The following EFCAB3 variants were observed in gnomAD, a reference collection of about 807,000 sequenced individuals.
The protein encoded by EFCAB3 is EF-hand calcium-binding domain-containing protein 3.
A neutral mutation model predicts 42.2 loss-of-function variants in EFCAB3; 36 were observed. The observed-to-expected ratio is 0.85, with a 90% confidence interval of 0.65 to 1.13. The LOEUF (loss-of-function observed/expected upper bound fraction) is 1.13. Among genes scored for constraint, EFCAB3 ranks in the 50% most tolerant of loss-of-function variants. The probability of loss-of-function intolerance (pLI) is 0.00; values close to 1 mark genes in which losing one functional copy is unlikely to be tolerated. For missense variants in EFCAB3, 418 were observed against 505.1 expected (o/e 0.83, Z 1.65); for synonymous variants, 170 against 172.8 (o/e 0.98, Z 0.13).
Position 62,396,986 on chromosome 17 carries a change from A to G in EFCAB3, c.488+1798A>G, listed in dbSNP as rs146944782. Among the ~76,000 whole-genome samples, 249 of 152,304 alleles carry G rather than the reference A, an allele frequency of 1.6e-3. 2 individuals are homozygous for G. The highest frequency in any genetic ancestry group is 2.9e-3 in the Non-Finnish European group (198 of 68,024). On this transcript the variant is annotated intron_variant, in intron 6 of 9. Transcript: ENST00000305286. ...TACTATCATCACTCCCACTTTACAGATGAAAAAACTGCAGCACAGGTCAGT... is the reference window on the plus strand; with the variant it reads ...TACTATCATCACTCCCACTTTACAGGTGAAAAAACTGCAGCACAGGTCAGT...
At chr17:62,410,963 T>C (rs927893989) in intron 8 of EFCAB3, among the ~76,000 whole-genome samples, 2 of 152,276 alleles carry the variant, frequency 1.3e-5, no homozygotes, top group East Asian at 3.9e-4. Flanking sequence ...TGTGAAGAAT[T>C]TGAAACTCAG....
rs1206209960 is a variant in EFCAB3 at position 62,384,266 on chromosome 17, C to A, written c.74+1213C>A. Among the ~76,000 whole-genome samples, 6 of 152,116 alleles carry A rather than the reference C, an allele frequency of 3.9e-5. 1 individual carries two copies. Among genetic ancestry groups the A allele is most frequent in the African/African-American group, 1.2e-4 (5 of 41,432 alleles). On this transcript the variant is annotated intron_variant, in intron 2 of 9. Transcript: ENST00000305286. ...CATTTGAAACTTTGAAAAATAAAGT[C>A]TTTCTCCAATGTTTGATCCAAGATA...
At chr17:62,410,832 A>G (rs370620076) in intron 8 of EFCAB3, among the ~76,000 whole-genome samples, 2 of 152,118 alleles carry the variant, frequency 1.3e-5, no homozygotes, top group Non-Finnish European at 2.9e-5. Context: ...CCTGGAAGTA[A>G]GCAACTGGAA....
Position 62,383,377 on chromosome 17 carries a change from G to A in EFCAB3, c.74+324G>A, listed in dbSNP as rs138029485. Among the ~76,000 whole-genome samples, 10 of 152,218 alleles carry A rather than the reference G, an allele frequency of 6.6e-5. No homozygotes were observed. The East Asian group carries it at 1.9e-3, about 29-fold the overall frequency. On this transcript the variant is annotated intron_variant, in intron 2 of 9. Coordinates refer to ENST00000305286, the MANE Select transcript of EFCAB3 (RefSeq NM_173503.4). ...TGGTGCCAGCTACTCGAGAGGCTGA[G>A]GCAGGAGAATTGCTTGAACTTGGGG... is the stretch of plus-strand genomic sequence containing the variant.
At chr17:62,406,435 C>A in intron 6 of EFCAB3, 45 bp from the exon 7 acceptor site, 1 of 1,482,184 alleles carries the variant, frequency 6.7e-7, no homozygotes, top group Non-Finnish European at 9.0e-7. Context: ...AATTTTTGTC[C>A]TATGTCTCTT....
chr17:62,381,105 G>A (rs886452554), intron 1 of EFCAB3, among the ~76,000 whole-genome samples: 2 of 151,480 alleles, frequency 1.3e-5, no homozygotes, highest in East Asian at 1.9e-4. Flanking sequence ...CCATCAACTC[G>A]TCATTTAACA....
In EFCAB3 at chr17:62,406,612, T is replaced by A. The variant is rs1280197236; in HGVS notation, c.621T>A (p.Asn207Lys). The A allele has an allele frequency of 5.0e-6, 8 of 1,613,994 alleles. No homozygotes were observed. In the East Asian group the frequency reaches 1.8e-4, roughly 36 times the overall value. ...PPSSSMAAFA[N>K]AARIAIMKEK... ...GCTCAAGCATGGCTGCCTTTGCTAA[T>A]GCTGCCCGGATTGCAATAATGAAAG... The change falls in exon 7 of 10, where the codon AAT becomes AAA. Residue 207 changes from asparagine (N) to lysine (K), a missense_variant. Transcript: ENST00000305286.
upstream of EFCAB3, among the ~76,000 whole-genome samples, chr17:62,376,496 A>G (rs1450589695): frequency 6.6e-6 from 1 of 152,188 alleles, no homozygotes; most frequent in African/African-American, 2.4e-5. Flanking sequence ...TCTTTATATA[A>G]GTATTAAGGG....
rs1178974076 is a variant in EFCAB3, at chr17:62,395,140, T to C, written c.440T>C (p.Leu147Pro). 1 of 1,614,006 alleles carries C rather than the reference T, an allele frequency of 6.2e-7. No individual in the cohort carries two copies. The highest frequency in any genetic ancestry group is 8.5e-7 in the Non-Finnish European group (1 of 1,180,026). Residue 147 changes from leucine to proline, a missense_variant, in exon 6 of 10, where the codon CTT (leucine) becomes CCT (proline). Leu to Pro is a moderately conservative substitution (Grantham distance 98). Transcript: ENST00000305286. ...GILLFEILSR[L>P]LETSALPRKS... ...CTATTGTTTGAAATCCTATCAAGGC[T>C]TCTAGAGACTTCAGCCCTACCCAGA...
chr17:62,378,586 A>C (rs1263983150), upstream of EFCAB3, among the ~76,000 whole-genome samples: 1 of 152,120 alleles, frequency 6.6e-6, no homozygotes, highest in East Asian at 1.9e-4. Flanking sequence ...CTGTAGTCCT[A>C]GCTACTCGGG....
At chr17:62,385,963 G>C (rs1026235026) in intron 2 of EFCAB3, among the ~76,000 whole-genome samples, 1 of 150,674 alleles carries the variant, frequency 6.6e-6, no homozygotes, top group South Asian at 2.1e-4. Context: ...TCCTGACCTC[G>C]TGATCCACCC....
chr17:62,381,489 G>A (rs1194538806), intron 1 of EFCAB3, among the ~76,000 whole-genome samples: 1 of 152,090 alleles, frequency 6.6e-6, no homozygotes, highest in African/African-American at 2.4e-5. Context: ...CTCAAACTAT[G>A]CCAAGTGGAA....
At chr17:62,400,790 T>C (rs1379756249) in intron 6 of EFCAB3, among the ~76,000 whole-genome samples, 1 of 152,218 alleles carries the variant, frequency 6.6e-6, no homozygotes, top group Non-Finnish European at 1.5e-5. Context: ...TCTAGATCCT[T>C]GAGGAATCGC....
chr17:62,395,552 T>G (rs1356677225), intron 6 of EFCAB3, among the ~76,000 whole-genome samples: 1 of 152,164 alleles, frequency 6.6e-6, no homozygotes, highest in Non-Finnish European at 1.5e-5. Context: ...TAAGACACTC[T>G]TGTTCATGCT....
upstream of EFCAB3, among the ~76,000 whole-genome samples, chr17:62,376,450 C>T (rs147873163): frequency 1.1e-4 from 16 of 152,140 alleles, no homozygotes; most frequent in East Asian, 2.5e-3. Flanking sequence ...GGTGACAGAG[C>T]GAGACTCTGC....
intron 1 of EFCAB3, among the ~76,000 whole-genome samples, chr17:62,372,100 C>T (rs2070118511): frequency 6.6e-6 from 1 of 152,216 alleles, no homozygotes; most frequent in South Asian, 2.1e-4. Context: ...CGAAGCCCAA[C>T]TGAAAGTAGG....
chr17:62,395,302 G>A (rs566440518), intron 6 of EFCAB3, 114 bp downstream of exon 6: 672 of 1,343,958 alleles, frequency 5.0e-4, no homozygotes, highest in Admixed American at 4.3e-3. Flanking sequence ...CCAAAACTAA[G>A]GAGAAGAAGG....
rs772143040 is a variant in EFCAB3, at chr17:62,416,192, T to C, written c.1180T>C (p.Leu394=). 6.2e-7 allele frequency: 1 copy of C among 1,613,872 alleles called. No individual in the cohort carries two copies. The highest frequency in any genetic ancestry group is 1.1e-5 in the South Asian group (1 of 91,078). ...CCAAGAATTACTTTCTCCTAAGGAC[T>C]TAAGGTTATATGATGCCTATGTGAA... ...VCQELLSPKD[L]RLYDAYVNRN... is the part of the protein sequence containing the mutation. Residue 394 remains leucine, a synonymous_variant, in exon 10 of 10, where the codon TTA becomes CTA. Coordinates refer to ENST00000305286, the MANE Select transcript of EFCAB3 (RefSeq NM_173503.4).
intron 2 of EFCAB3, among the ~76,000 whole-genome samples, chr17:62,384,126 G>A (rs2070227804): frequency 6.6e-6 from 1 of 152,080 alleles, no homozygotes. Context: ...GAGGGAGTGA[G>A]TTCCTTGTCA....
Sources: gnomAD v4.1 joint callset for allele counts (sites outside exome capture counted in the v4.1 genomes callset) on GRCh38, gnomAD v4.1.1 for gene constraint, MANE v1.5 for transcripts, NCBI Gene and HGNC (gene_info 2026-07-23, HGNC 2026-07-21) for gene names.